CNTN3: variants seen among roughly 807,000 people sequenced by gnomAD.
CNTN3 encodes contactin-3.
Under a neutral mutation model 119.1 loss-of-function variants are expected in CNTN3, and 60 were observed. The observed-to-expected ratio is 0.50, with a 90% CI of 0.41 to 0.62. The LOEUF (loss-of-function observed/expected upper bound fraction) is 0.62, where lower values mean the gene tolerates loss of function less well. Ranked by LOEUF, CNTN3 falls within the 20% of genes least tolerant of loss-of-function variation. The pLI is 0.00. For synonymous variants in CNTN3, 450 were observed against 438.7 expected, an observed-to-expected ratio of 1.03 and a Z score of -0.32; for missense variants, 1,101 against 1,242.4, an observed-to-expected ratio of 0.89 and a Z score of 1.71.
At chr3:74,278,908 A>G (rs1300769272) in intron 20 of CNTN3, among the ~76,000 whole-genome samples, 4 of 150,674 alleles carry the variant, frequency 2.7e-5, no homozygotes, top group East Asian at 1.9e-4. Flanking sequence ...AATCAGCGGG[A>G]AAAAAAAACA....
At position 74,614,456 on chromosome 3, in the gene CNTN3, G is replaced by A. The variant is rs1453149315; in HGVS notation, c.-146C>T. Among the ~76,000 whole-genome samples, 14 of 142,816 alleles carry A rather than the reference G, an allele frequency of 9.8e-5. No individual in the cohort carries two copies. Among genetic ancestry groups the A allele is most frequent in the African/African-American group, 2.1e-4 (8 of 38,260 alleles). The allele number at this position is 142,816 out of a possible 152,430, so 93.7% of individuals were successfully genotyped here. A position where few individuals can be genotyped will look rare whatever the true frequency, so the allele number is the denominator to read the frequency against. On this transcript the variant is annotated 5_prime_UTR_variant, in exon 1 of 23. Coordinates refer to ENST00000263665, the MANE Select transcript of CNTN3 (RefSeq NM_020872.3). ...ACTCGCCGCCGCCGCCGCCGCCGCC[G>A]CCGCCGCCACCGCCGCCGCCGCAGT...
Position 74,301,419 on chromosome 3 carries a change from T to G in CNTN3, c.2074A>C (p.Lys692Gln), listed in dbSNP as rs915911575. The G allele has an allele frequency of 1.2e-5, 19 of 1,613,954 alleles. No individual in the cohort carries two copies. The African/African-American group carries it at 2.5e-4, about 22-fold the overall frequency. The change falls in exon 16 of 23, where the codon AAA becomes CAA. Residue 692 changes from lysine to glutamine, a missense_variant. By Grantham distance (53) the Lys-to-Gln change is moderately conservative. Coordinates refer to ENST00000263665, the MANE Select transcript of CNTN3 (RefSeq NM_020872.3). The part of the protein sequence containing the change: ...GGGEPSLPSE[K>Q]VRTEEAVPEV... ...TAACCTGCCTCTTCAGTTCTTACTTTTTCTGAGGGTAAACTTGGTTCTCCA... is the reference window on the plus strand; with the variant it reads ...TAACCTGCCTCTTCAGTTCTTACTTGTTCTGAGGGTAAACTTGGTTCTCCA...
At chr3:74,502,286 A>C (rs207463215) in intron 2 of CNTN3, among the ~76,000 whole-genome samples, 1 of 152,104 alleles carries the variant, frequency 6.6e-6, no homozygotes, top group South Asian at 2.1e-4. Flanking sequence ...TTAAACGAAA[A>C]AGGCAAAGAG....
At chr3:74,359,310 T>C (rs1704024864) in intron 11 of CNTN3, among the ~76,000 whole-genome samples, 2 of 152,190 alleles carry the variant, frequency 1.3e-5, no homozygotes, top group African/African-American at 4.8e-5. Context: ...TAGATCAGTA[T>C]ATGTATATGT....
intron 5 of CNTN3, among the ~76,000 whole-genome samples, chr3:74,422,698 C>T (rs982888655): frequency 7.9e-5 from 12 of 152,076 alleles, no homozygotes; most frequent in Non-Finnish European, 1.8e-4. Context: ...GGGTCAACAC[C>T]TATAAAACTG....
At chr3:74,536,462 G>A (rs1178972077) in intron 1 of CNTN3, among the ~76,000 whole-genome samples, 2 of 152,084 alleles carry the variant, frequency 1.3e-5, no homozygotes, top group Non-Finnish European at 2.9e-5. Context: ...AATCAATGTG[G>A]TTTCATTTCC....
At chr3:74,517,101 CT>C (rs1212842011) in intron 2 of CNTN3, among the ~76,000 whole-genome samples, 1 of 151,862 alleles carries the variant, frequency 6.6e-6, no homozygotes, top group African/African-American at 2.4e-5. Context: ...GCTTCACTTT[CT>C]TAACCAAACT....
At chr3:74,290,700 T>C (rs992140058) in intron 19 of CNTN3, among the ~76,000 whole-genome samples, 1 of 152,086 alleles carries the variant, frequency 6.6e-6, no homozygotes, top group African/African-American at 2.4e-5. Context: ...ATTTTCTTTT[T>C]TTCTTTTTTG....
At chr3:74,542,858 C>A (rs2107149313) in intron 1 of CNTN3, among the ~76,000 whole-genome samples, 1 of 152,138 alleles carries the variant, frequency 6.6e-6, no homozygotes, top group East Asian at 1.9e-4. Flanking sequence ...GAATTTTTGG[C>A]CTGTTATCCC....
At chr3:74,399,609 CATGT>C (rs775096301) in intron 5 of CNTN3, among the ~76,000 whole-genome samples, 2 of 152,214 alleles carry the variant, frequency 1.3e-5, no homozygotes, top group East Asian at 1.9e-4. Context: ...CTTATGCATG[CATGT>C]GTCTTTATAA....
chr3:74,453,193 C>A (rs1157957316), intron 4 of CNTN3, among the ~76,000 whole-genome samples: 2 of 151,904 alleles, frequency 1.3e-5, no homozygotes, highest in African/African-American at 2.4e-5. Flanking sequence ...ACAATTTCAG[C>A]TCCTGTTATT....
At chr3:74,275,301 C>T (rs183807200) in intron 20 of CNTN3, among the ~76,000 whole-genome samples, 170 of 152,276 alleles carry the variant, frequency 1.1e-3, no homozygotes, top group Middle Eastern at 6.8e-3. Context: ...AGAAACAACA[C>T]CTGGAAAATT....
At chr3:74,431,840 A>G (rs2106910947) in intron 4 of CNTN3, among the ~76,000 whole-genome samples, 1 of 152,320 alleles carries the variant, frequency 6.6e-6, no homozygotes, top group South Asian at 2.1e-4. Context: ...AAAATGCTTT[A>G]TATCTACTTG....
intron 20 of CNTN3, among the ~76,000 whole-genome samples, chr3:74,274,073 A>G (rs997463903): frequency 3.9e-5 from 6 of 152,036 alleles, no homozygotes; most frequent in Admixed American, 3.3e-4. Flanking sequence ...ATGACTCTGC[A>G]GAGGCAGCCA....
intron 1 of CNTN3, among the ~76,000 whole-genome samples, chr3:74,527,270 T>G (rs994612206): frequency 6.6e-6 from 1 of 151,956 alleles, no homozygotes; most frequent in South Asian, 2.1e-4. Flanking sequence ...TAAGTTTAAA[T>G]AATGAGATTG....
chr3:74,426,376 A>G (rs542805722), intron 4 of CNTN3, among the ~76,000 whole-genome samples: 19 of 152,352 alleles, frequency 1.2e-4, no homozygotes, highest in African/African-American at 4.6e-4. Flanking sequence ...GAAGCAGTAT[A>G]TGTATTTTAG....
At chr3:74,330,203 A>G (rs967720327) in intron 13 of CNTN3, among the ~76,000 whole-genome samples, 18 of 152,100 alleles carry the variant, frequency 1.2e-4, no homozygotes, top group Non-Finnish European at 1.6e-4. Flanking sequence ...TAAAAATACA[A>G]AAATTAGCCG....
intron 1 of CNTN3, among the ~76,000 whole-genome samples, chr3:74,579,256 G>A (rs191356458): frequency 2.0e-5 from 3 of 151,892 alleles, no homozygotes; most frequent in Non-Finnish European, 4.4e-5. Context: ...AATACAGCAT[G>A]CACAAATTGA....
At chr3:74,312,707 C>G (rs1456377884) in intron 13 of CNTN3, among the ~76,000 whole-genome samples, 1 of 152,076 alleles carries the variant, frequency 6.6e-6, no homozygotes, top group Non-Finnish European at 1.5e-5. Context: ...TCACACCTTA[C>G]CATTACATTA....
Sources: allele counts gnomAD v4.1 joint callset (sites outside exome capture counted in the v4.1 genomes callset), GRCh38; gene constraint gnomAD v4.1.1; transcripts MANE v1.5; gene names NCBI Gene and HGNC (gene_info 2026-07-23, HGNC 2026-07-21).